RASEF: variants seen among roughly 807,000 people sequenced by gnomAD.
RASEF encodes the protein RAS and EF-hand domain containing.
In RASEF, 68 loss-of-function variants were observed where a neutral mutation model predicts 90.1. The observed-to-expected ratio is 0.75, with a 90% CI of 0.62 to 0.92. The LOEUF (loss-of-function observed/expected upper bound fraction) is 0.92. Ranked by LOEUF, RASEF falls within the 40% of genes least tolerant of loss-of-function variation. The probability of loss-of-function intolerance (pLI) is 0.00; values close to 1 mark genes in which losing one functional copy is unlikely to be tolerated. For missense variants in RASEF, 949 were observed against 937.2 expected, an observed-to-expected ratio of 1.01 and a Z score of -0.16; for synonymous variants, 331 against 345.2, an observed-to-expected ratio of 0.96 and a Z score of 0.46.
the RASEF span, among the ~76,000 whole-genome samples, chr9:83,089,364 T>C: frequency 6.6e-6 from 1 of 152,144 alleles, no homozygotes; most frequent in African/African-American, 2.4e-5. Flanking sequence ...CCTATGTAGT[T>C]ACCTGTTCTA....
In RASEF at chr9:83,000,519, C is replaced by G; in HGVS notation, c.1489G>C (p.Val497Leu). Residue 497 changes from valine (V) to leucine (L), a missense_variant, in exon 11 of 17, where the codon GTC (valine) becomes CTC (leucine). Transcript: ENST00000376447. ...GACCCTTGGGGCTTCCAGTCTAAGA[C>G]GGAAGCCACATCTTCTAAACCAAAT... The part of the protein sequence containing the change: ...ETFGLEDVAS[V>L]LDWKPQGSVS... The G allele has an allele frequency of 6.2e-7, 1 of 1,613,466 alleles. No individual in the cohort carries two copies. Among genetic ancestry groups the G allele is most frequent in the Non-Finnish European group, 8.5e-7 (1 of 1,179,596 alleles).
rs143434376 is a variant in RASEF, at chr9:83,032,830, A to G, written c.432-6909T>C. 3.6e-3 allele frequency among the ~76,000 whole-genome samples: 543 copies of G among 152,312 alleles called. 2 individuals are homozygous for G. Among genetic ancestry groups the G allele is most frequent in the Middle Eastern group, 0.01 (3 of 294 alleles). ...AAAACTTTTTAAAGGTCACGCACCC[A>G]TTTTCATAAGATTAACATTTTACTC... On this transcript the variant is annotated intron_variant, in intron 1 of 16. Transcript: ENST00000376447.
the RASEF span, among the ~76,000 whole-genome samples, chr9:83,180,895 T>G: frequency 6.6e-6 from 1 of 151,892 alleles, no homozygotes; most frequent in African/African-American, 2.4e-5. Flanking sequence ...TAAAAAAAAT[T>G]AAAGTATGCA....
intron 1 of RASEF, among the ~76,000 whole-genome samples, chr9:83,027,949 A>C (rs1485311307): frequency 6.6e-6 from 1 of 152,126 alleles, no homozygotes; most frequent in East Asian, 1.9e-4. Flanking sequence ...TCTTCTTCTG[A>C]TCCTAGTGGA....
chr9:83,058,732 C>T (rs1830148098), intron 1 of RASEF, among the ~76,000 whole-genome samples: 1 of 152,164 alleles, frequency 6.6e-6, no homozygotes, highest in Non-Finnish European at 1.5e-5. Flanking sequence ...GATTGCTGTC[C>T]AATGGGTGAG....
the RASEF span, among the ~76,000 whole-genome samples, chr9:83,170,469 G>A: frequency 1.3e-5 from 2 of 151,750 alleles, no homozygotes; most frequent in Admixed American, 6.6e-5. Context: ...TATGTCATTG[G>A]TATTTTGGAA....
chr9:83,019,434 G>A (rs1006085067), intron 3 of RASEF, among the ~76,000 whole-genome samples: 5 of 152,218 alleles, frequency 3.3e-5, no homozygotes, highest in Middle Eastern at 3.4e-3. Flanking sequence ...TCTACACACC[G>A]ATTAGAATGC....
chr9:83,197,714 T>A, the RASEF span, among the ~76,000 whole-genome samples: 1 of 152,286 alleles, frequency 6.6e-6, no homozygotes, highest in Admixed American at 6.5e-5. Context: ...CTCCTCCTTA[T>A]CAGCTCCTCC....
At chr9:83,091,261 T>C in the RASEF span, among the ~76,000 whole-genome samples, 3 of 152,172 alleles carry the variant, frequency 2.0e-5, no homozygotes, top group African/African-American at 7.2e-5. Flanking sequence ...TTAAAGTCCT[T>C]ATGGACATCT....
the RASEF span, among the ~76,000 whole-genome samples, chr9:83,183,008 G>C: frequency 6.6e-6 from 1 of 152,052 alleles, no homozygotes; most frequent in African/African-American, 2.4e-5. Flanking sequence ...GCCTAAGACC[G>C]GGGTGAAGGG....
the RASEF span, among the ~76,000 whole-genome samples, chr9:83,119,724 T>C: frequency 6.6e-6 from 1 of 152,188 alleles, no homozygotes; most frequent in African/African-American, 2.4e-5. Context: ...CCAAGTGCTA[T>C]GGGAGGGACC....
chr9:83,185,424 T>A, the RASEF span, among the ~76,000 whole-genome samples: 2 of 151,322 alleles, frequency 1.3e-5, no homozygotes, highest in Non-Finnish European at 2.9e-5. Flanking sequence ...TGGGCTCAAG[T>A]GATCCTCCTG....
In RASEF at chr9:83,055,518, G is replaced by A. The variant is rs909923657; in HGVS notation, c.431+6919C>T. 10 of 700,364 alleles carry A rather than the reference G, an allele frequency of 1.4e-5. 1 individual carries two copies. Among genetic ancestry groups the A allele is most frequent in the African/African-American group, 1.3e-4 (7 of 52,080 alleles). The allele number at this position is 700,364 out of a possible 1,614,324, so 43.4% of individuals were successfully genotyped here. A position where few individuals can be genotyped will look rare whatever the true frequency, so the allele number is the denominator to read the frequency against. On this transcript the variant is annotated intron_variant, in intron 1 of 16. Coordinates refer to ENST00000376447, the MANE Select transcript of RASEF (RefSeq NM_152573.4). ...ATCACCCGTCTTCTGCGTCGCTCAC[G>A]CTGGGAGCTGTAGACCGGAGCTGTT...
the RASEF span, among the ~76,000 whole-genome samples, chr9:83,095,470 A>G: frequency 4.0e-5 from 6 of 149,304 alleles, no homozygotes; most frequent in African/African-American, 1.2e-4. Context: ...TGTTGCCCCA[A>G]GGGATCTAGT....
chr9:83,025,356 T>C (rs1370267214), intron 2 of RASEF, among the ~76,000 whole-genome samples: 4 of 152,086 alleles, frequency 2.6e-5, no homozygotes, highest in Non-Finnish European at 4.4e-5. Context: ...CGTGAAGATA[T>C]TCATCCTCAT....
chr9:83,151,227 A>G, the RASEF span, among the ~76,000 whole-genome samples: 2 of 152,156 alleles, frequency 1.3e-5, no homozygotes, highest in Non-Finnish European at 2.9e-5. Context: ...ATTTACAGTA[A>G]ATGTACCCCT....
the RASEF span, among the ~76,000 whole-genome samples, chr9:83,147,034 A>ATGTGTG: frequency 5.6e-5 from 6 of 108,102 alleles, no homozygotes; most frequent in African/African-American, 2.7e-4. Context: ...GTGTGTATAT[A>ATGTGTG]TATATGTATA....
the RASEF span, among the ~76,000 whole-genome samples, chr9:83,157,604 G>C: frequency 6.6e-6 from 1 of 152,136 alleles, no homozygotes; most frequent in Non-Finnish European, 1.5e-5. Context: ...CTAGTCTGTA[G>C]TATTATGTTA....
At chr9:83,067,270 A>G (rs747063412), upstream of RASEF, among the ~76,000 whole-genome samples, 8 of 152,200 alleles carry the variant, frequency 5.3e-5, no homozygotes, top group Non-Finnish European at 7.3e-5. Context: ...ACTCTGAAAC[A>G]TACATACCCC....
Sources: allele counts gnomAD v4.1 joint callset (sites outside exome capture counted in the v4.1 genomes callset), GRCh38; gene constraint gnomAD v4.1.1; transcripts MANE v1.5; gene names NCBI Gene and HGNC (gene_info 2026-07-23, HGNC 2026-07-21).